Variants in MRPL19 observed in about 807,000 individuals in gnomAD.
The protein encoded by MRPL19 is mitochondrial ribosomal protein L19.
A neutral mutation model predicts 34.0 loss-of-function variants in MRPL19; 31 were observed. The observed-to-expected ratio is 0.91, with a 90% CI of 0.68 to 1.23. The LOEUF (loss-of-function observed/expected upper bound fraction) is 1.23, where lower values mean the gene tolerates loss of function less well. Among genes scored for constraint, MRPL19 ranks in the 50% most tolerant of loss-of-function variants. The pLI is 0.00. For synonymous variants in MRPL19, 152 were observed against 127.7 expected (o/e 1.19, Z -1.28); for missense variants, 384 against 367.6 (o/e 1.04, Z -0.37).
chr2:75,650,188 G>C (rs1425340712), intron 2 of MRPL19, among the ~76,000 whole-genome samples: 1 of 152,028 alleles, frequency 6.6e-6, no homozygotes, highest in Non-Finnish European at 1.5e-5. Flanking sequence ...TATTTCTTGA[G>C]GTGGGTGGTA....
chr2:75,652,082 A>T, intron 2 of MRPL19, 60 bp from the exon 3 acceptor site: 1 of 989,912 alleles, frequency 1.0e-6, no homozygotes. Flanking sequence ...GAAAAGCAAC[A>T]ATTTTTCTTC....
Sources: allele counts gnomAD v4.1 joint callset (sites outside exome capture counted in the v4.1 genomes callset), GRCh38; gene constraint gnomAD v4.1.1; transcripts MANE v1.5; gene names NCBI Gene and HGNC (gene_info 2026-07-23, HGNC 2026-07-21).